The following ABCA10 variants were observed in gnomAD, a reference collection of about 807,000 sequenced individuals.
ABCA10 encodes ATP-binding cassette sub-family A member 10.
Under a neutral mutation model 187.5 loss-of-function variants are expected in ABCA10, and 169 were observed. The ratio of observed to expected loss-of-function variants is 0.90; its 90% confidence interval spans 0.80 to 1.02. ABCA10 has a LOEUF of 1.02. Ranked by LOEUF, ABCA10 falls within the 50% of genes least tolerant of loss-of-function variation. The probability of loss-of-function intolerance (pLI) is 0.00; values close to 1 mark genes in which losing one functional copy is unlikely to be tolerated. For synonymous variants in ABCA10, 574 were observed against 601.8 expected, an observed-to-expected ratio of 0.95 and a Z score of 0.68; for missense variants, 1,727 against 1,812.4, an observed-to-expected ratio of 0.95 and a Z score of 0.86.
chr17:69,214,691 A>T lies in ABCA10; in HGVS notation c.1006+13T>A, dbSNP rs1188507210. ...TTGCTTTAAATTTAACTTTAACCAC[A>T]CTATTAACTTACCAGGTAAAACTCG... On this transcript the variant is annotated intron_variant, in intron 9 of 38. Coordinates refer to ENST00000690296, the MANE Select transcript of ABCA10 (RefSeq NM_001377321.1). 1 of 1,464,878 alleles carries T rather than the reference A, an allele frequency of 6.8e-7. No individual in the cohort carries two copies. Among genetic ancestry groups the T allele is most frequent in the African/African-American group, 1.5e-5 (1 of 66,994 alleles). 90.7% of individuals were successfully genotyped at this position (1,464,878 alleles called of 1,614,324 possible). A position where few individuals can be genotyped will look rare whatever the true frequency, so the allele number is the denominator to read the frequency against.
intron 9 of ABCA10, among the ~76,000 whole-genome samples, chr17:69,203,924 A>G (rs1188155173): frequency 6.6e-6 from 1 of 152,242 alleles, no homozygotes. Context: ...TTCAAATTGA[A>G]GAATTAAGGT....
Position 69,182,810 on chromosome 17 carries a change from T to G in ABCA10, c.2498-2A>C. On this transcript the variant is annotated splice_acceptor_variant, in intron 20 of 38. Coordinates refer to ENST00000690296, the MANE Select transcript of ABCA10 (RefSeq NM_001377321.1). LOFTEE classifies it high-confidence loss of function. Reference sequence around the variant, plus strand: ...GCACGAGGTCTTCAATATTTGATCCTAACATAGTGGAAGGAAGGCAACAAG... The same window carrying G: ...GCACGAGGTCTTCAATATTTGATCCGAACATAGTGGAAGGAAGGCAACAAG... 6.4e-7 allele frequency: 1 copy of G among 1,552,950 alleles called. No individual in the cohort carries two copies. The highest frequency in any genetic ancestry group is 8.6e-7 in the Non-Finnish European group (1 of 1,156,392).
In ABCA10 at chr17:69,175,385, T is replaced by C. The variant is rs1598096774; in HGVS notation, c.2877+21A>G. On this transcript the variant is annotated intron_variant, in intron 23 of 38. Transcript: ENST00000690296. ...TCAAATAAAATCAATCTCAATCTAA[T>C]TTCCTCTCTCTCCCTCTTACTTTAT... 5 of 1,581,324 alleles carry C rather than the reference T, an allele frequency of 3.2e-6. No individual in the cohort carries two copies. The East Asian group carries it at 1.1e-4, about 35-fold the overall frequency.
chr17:69,228,580 C>G lies in ABCA10; in HGVS notation c.-313+1G>C, dbSNP rs888169464. 3 of 151,958 alleles carry G rather than the reference C, an allele frequency of 2.0e-5. No homozygotes were observed. The highest frequency in any genetic ancestry group is 4.4e-5 in the Non-Finnish European group (3 of 67,902). 9.4% of individuals were successfully genotyped at this position (151,958 alleles called of 1,614,324 possible). A position where few individuals can be genotyped will look rare whatever the true frequency, so the allele number is the denominator to read the frequency against. On this transcript the variant is annotated splice_donor_variant, in intron 1 of 38. Transcript: ENST00000690296. LOFTEE classifies it low-confidence loss of function (5UTR_SPLICE). The stretch of plus-strand genomic sequence containing the variant: ...AAAATGTAAAACAAATTTTAACTTA[C>G]AGTTAAGAAAATAAGAGAGAAGTAT...
intron 9 of ABCA10, among the ~76,000 whole-genome samples, chr17:69,207,994 A>T (rs2074604179): frequency 6.6e-6 from 1 of 152,266 alleles, no homozygotes; most frequent in Non-Finnish European, 1.5e-5. Flanking sequence ...TAAGTTCACA[A>T]TGTATACTAT....
At chr17:69,218,617 A>C (rs1466904968) in intron 6 of ABCA10, among the ~76,000 whole-genome samples, 2 of 149,280 alleles carry the variant, frequency 1.3e-5, no homozygotes, top group Non-Finnish European at 2.9e-5. Flanking sequence ...GAATGCATAG[A>C]TATATATATA....
rs761909753 is a variant in ABCA10 at position 69,164,917 on chromosome 17, T to C, written c.3282+47A>G. The C allele has an allele frequency of 4.5e-6, 7 of 1,572,780 alleles. No individual in the cohort carries two copies. The African/African-American group carries it at 6.8e-5, about 15-fold the overall frequency. On this transcript the variant is annotated intron_variant, in intron 26 of 38. Coordinates refer to ENST00000690296, the MANE Select transcript of ABCA10 (RefSeq NM_001377321.1). ...CGACAATGGGTAAGGATTTTATTAA[T>C]GGGCTACAAGGTCAAGACTGGAGAC...
chr17:69,165,235 G>T, intron 25 of ABCA10, 152 bp from the exon 26 acceptor site: 2 of 688,778 alleles, frequency 2.9e-6, no homozygotes, highest in Non-Finnish European at 4.7e-6. Flanking sequence ...TCTTTAGGAA[G>T]TCTCAAACTT....
rs768440283 is a variant in ABCA10, at chr17:69,153,509, C to T, written c.4003G>A (p.Ala1335Thr). ...CCCTCTGATAGAGTTTTCACAGGAG[C>T]CTTAAGTTGTTCCTGGAGCTTAAGA... ...EALKLQEQLK[A>T]PVKTLSEGIK... The change falls in exon 33 of 39, where the codon GCT becomes ACT. Residue 1335 changes from alanine to threonine, a missense_variant. Ala to Thr is a moderately conservative substitution (Grantham distance 58). Transcript: ENST00000690296. The T allele has an allele frequency of 6.2e-7, 1 of 1,614,154 alleles. No individual in the cohort carries two copies. The highest frequency in any genetic ancestry group is 8.5e-7 in the Non-Finnish European group (1 of 1,180,020).
intron 25 of ABCA10, among the ~76,000 whole-genome samples, chr17:69,169,685 G>A (rs776125463): frequency 2.0e-5 from 3 of 152,166 alleles, no homozygotes; most frequent in African/African-American, 7.2e-5. Flanking sequence ...GCCAGGAATA[G>A]TCTTGATTGA....
intron 27 of ABCA10, 68 bp from the exon 28 acceptor site, chr17:69,156,991 T>C (rs906449829): frequency 3.1e-6 from 3 of 963,532 alleles, no homozygotes; most frequent in Middle Eastern, 2.5e-4. Context: ...TGAATATTTG[T>C]CCATTTTTTT....
intron 18 of ABCA10, among the ~76,000 whole-genome samples, chr17:69,188,767 TGTAA>T (rs766124212): frequency 7.2e-5 from 11 of 152,104 alleles, no homozygotes; most frequent in Non-Finnish European, 1.0e-4. Flanking sequence ...ACTTCTCACT[TGTAA>T]GTGAGAACAT....
At chr17:69,152,884 T>C (rs1042541313) in intron 34 of ABCA10, among the ~76,000 whole-genome samples, 3 of 152,132 alleles carry the variant, frequency 2.0e-5, no homozygotes, top group African/African-American at 4.8e-5. Flanking sequence ...AATTGTGTTA[T>C]ATTGCCTAAT....
chr17:69,236,488 G>A (rs1401283686), intron 1 of ABCA10, among the ~76,000 whole-genome samples: 2 of 152,166 alleles, frequency 1.3e-5, no homozygotes, highest in Admixed American at 6.5e-5. Flanking sequence ...CTGATAGAAT[G>A]TATTTATTAC....
intron 1 of ABCA10, among the ~76,000 whole-genome samples, chr17:69,241,035 C>T (rs1486569530): frequency 6.6e-6 from 1 of 152,234 alleles, no homozygotes; most frequent in Non-Finnish European, 1.5e-5. Flanking sequence ...GACATCTCCA[C>T]TTGGATGTCT....
chr17:69,154,058 C>T (rs1310145384), intron 31 of ABCA10, 49 bp from the exon 32 acceptor site: 1 of 1,585,528 alleles, frequency 6.3e-7, no homozygotes, highest in Non-Finnish European at 8.6e-7. Flanking sequence ...TTGCTCCAAT[C>T]CCCCTTCTAC....
chr17:69,161,542 G>A (rs1037197736), intron 27 of ABCA10, among the ~76,000 whole-genome samples: 4 of 152,146 alleles, frequency 2.6e-5, no homozygotes, highest in South Asian at 2.1e-4. Context: ...GACGAAAGCC[G>A]CTTCTAGGCC....
At chr17:69,162,828 T>C (rs113374049) in intron 27 of ABCA10, among the ~76,000 whole-genome samples, 35 of 81,150 alleles carry the variant, frequency 4.3e-4, no homozygotes, top group African/African-American at 1.2e-3. Context: ...TACATATACA[T>C]ATACATATAC....
chr17:69,177,533 T>C (rs1243233458), intron 22 of ABCA10, among the ~76,000 whole-genome samples: 1 of 152,144 alleles, frequency 6.6e-6, no homozygotes, highest in African/African-American at 2.4e-5. Flanking sequence ...TTTGAATCCT[T>C]CACCATTGGG....
Sources: gnomAD v4.1 joint callset for allele counts (sites outside exome capture counted in the v4.1 genomes callset) on GRCh38, gnomAD v4.1.1 for gene constraint, MANE v1.5 for transcripts, NCBI Gene and HGNC (gene_info 2026-07-23, HGNC 2026-07-21) for gene names.